The following GSAP variants were observed in gnomAD, a reference collection of about 807,000 sequenced individuals.
GSAP encodes the protein gamma-secretase-activating protein.
In GSAP, 118 loss-of-function variants were observed where a neutral mutation model predicts 131.7. That is an observed-to-expected ratio of 0.90 (90% confidence interval 0.77 to 1.04). GSAP has a LOEUF of 1.04. Among genes scored for constraint, GSAP ranks in the 50% least tolerant of loss-of-function variants. GSAP has a pLI of 0.00. For synonymous variants in GSAP, 381 were observed against 363.4 expected (o/e 1.05, Z -0.55); for missense variants, 1,019 against 1,013.2 (o/e 1.01, Z -0.08).
chr7:77,403,884 T>C (rs1801805036), intron 3 of GSAP, among the ~76,000 whole-genome samples: 1 of 152,174 alleles, frequency 6.6e-6, no homozygotes, highest in Non-Finnish European at 1.5e-5. Context: ...AGCAAAGAAA[T>C]ATAATTTTTT....
chr7:77,383,951 T>C (rs1798161796), intron 6 of GSAP, among the ~76,000 whole-genome samples: 1 of 152,246 alleles, frequency 6.6e-6, no homozygotes, highest in Non-Finnish European at 1.5e-5. Flanking sequence ...TTGAGTTCCC[T>C]TTTAGAAATG....
At chr7:77,348,357 G>A (rs1444698641) in intron 19 of GSAP, among the ~76,000 whole-genome samples, 2 of 152,072 alleles carry the variant, frequency 1.3e-5, no homozygotes, top group Non-Finnish European at 2.9e-5. Flanking sequence ...GCTTTTGCCT[G>A]GAAACACAGA....
intron 3 of GSAP, among the ~76,000 whole-genome samples, chr7:77,397,905 G>C (rs1411525326): frequency 1.3e-5 from 2 of 152,134 alleles, no homozygotes; most frequent in Non-Finnish European, 2.9e-5. Flanking sequence ...GTAATCATTA[G>C]TTTTCTTAGC....
chr7:77,377,353 A>G lies in GSAP; in HGVS notation c.614T>C (p.Ile205Thr). 7 of 1,567,562 alleles carry G rather than the reference A, an allele frequency of 4.5e-6. No homozygotes were observed. Among genetic ancestry groups the G allele is most frequent in the Non-Finnish European group, 6.0e-6 (7 of 1,160,268 alleles). Reference sequence around the variant, plus strand: ...CTGAGCCCAAACGAAATCCTCAGCTATTCTGTCTCTTGGGAGATGGCCAGA... The same window carrying G: ...CTGAGCCCAAACGAAATCCTCAGCTGTTCTGTCTCTTGGGAGATGGCCAGA... ...KNSGHLPRDR[I>T]AEDFVWAQWD... The change falls in exon 9 of 31, where the codon ATA (isoleucine) becomes ACA (threonine). Residue 205 changes from isoleucine to threonine, a missense_variant. Transcript: ENST00000257626.
chr7:77,364,592 C>T (rs147198536), intron 12 of GSAP, among the ~76,000 whole-genome samples: 315 of 151,820 alleles, frequency 2.1e-3, no homozygotes, highest in Non-Finnish European at 3.4e-3. Flanking sequence ...TTAATGGGTG[C>T]AGCACACCAG....
rs760139682 is a variant in GSAP, at chr7:77,329,315, AC to A, written c.1733+17del. The A allele has an allele frequency of 4.3e-6, 6 of 1,401,310 alleles. No individual in the cohort carries two copies. In the South Asian group the frequency reaches 8.2e-5, roughly 19 times the overall value. The allele number at this position is 1,401,310 out of a possible 1,614,324, so 86.8% of individuals were successfully genotyped here. A position where few individuals can be genotyped will look rare whatever the true frequency, so the allele number is the denominator to read the frequency against. ...TGTCAACCATCTTACAGATATGATA[AC>A]CTCTGCTTTCACTTACTTTACTGCA... On this transcript the variant is annotated intron_variant, in intron 21 of 30. Transcript: ENST00000257626.
intron 12 of GSAP, among the ~76,000 whole-genome samples, chr7:77,364,512 G>A (rs1415231964): frequency 7.6e-6 from 1 of 132,224 alleles, no homozygotes; most frequent in Non-Finnish European, 1.6e-5. Context: ...TCACACTCTG[G>A]GGACTGTAGT....
At position 77,311,309 on chromosome 7, in the gene GSAP, A is replaced by AAT. The variant is rs755100037; in HGVS notation, c.*47_*48dup. On this transcript the variant is annotated 3_prime_UTR_variant, in exon 31 of 31. Coordinates refer to ENST00000257626, the MANE Select transcript of GSAP (RefSeq NM_017439.4). ...AAAGAATTCTCAAAGGAGTAAGGTT[A>AAT]ATGAGCAAGATTAAAATGGCAGCAG... 5.1e-5 allele frequency: 52 copies of AAT among 1,024,560 alleles called. 1 individual carries two copies. In the South Asian group the frequency reaches 6.3e-4, roughly 12 times the overall value. 63.5% of individuals were successfully genotyped at this position (1,024,560 alleles called of 1,614,324 possible).
intron 6 of GSAP, among the ~76,000 whole-genome samples, chr7:77,385,597 TC>T (rs1798449337): frequency 6.6e-6 from 1 of 152,106 alleles, no homozygotes; most frequent in South Asian, 2.1e-4. Context: ...GTCCCCAGCC[TC>T]CCCACATTGA....
In GSAP at chr7:77,383,345, G is replaced by C. The variant is rs1010275571; in HGVS notation, c.457-702C>G. ...ACACACACACACACACACACACACAGAGGTCGATATAGTCGTTGTGCAACT... is the reference window on the plus strand; with the variant it reads ...ACACACACACACACACACACACACACAGGTCGATATAGTCGTTGTGCAACT... On this transcript the variant is annotated intron_variant, in intron 6 of 30. Transcript: ENST00000257626. Among the ~76,000 whole-genome samples the C allele has an allele frequency of 4.2e-4, 63 of 150,574 alleles. No homozygotes were observed. In the Middle Eastern group the frequency reaches 0.01, roughly 25 times the overall value.
chr7:77,394,365 C>A (rs1459056857), intron 5 of GSAP, among the ~76,000 whole-genome samples: 1 of 152,184 alleles, frequency 6.6e-6, no homozygotes, highest in Non-Finnish European at 1.5e-5. Context: ...CCTGTGATGA[C>A]TGTTTGATCT....
At chr7:77,393,753 A>C (rs1799940328) in intron 5 of GSAP, among the ~76,000 whole-genome samples, 1 of 148,514 alleles carries the variant, frequency 6.7e-6, no homozygotes. Context: ...TGCTCACGGC[A>C]ACCTTTATTT....
At chr7:77,400,283 G>A (rs781218512) in intron 3 of GSAP, among the ~76,000 whole-genome samples, 3 of 151,846 alleles carry the variant, frequency 2.0e-5, no homozygotes, top group Non-Finnish European at 2.9e-5. Context: ...CGTGGATCCT[G>A]GACTCCCACC....
chr7:77,353,268 A>AC (rs1367616575), intron 17 of GSAP, among the ~76,000 whole-genome samples: 1 of 152,104 alleles, frequency 6.6e-6, no homozygotes, highest in Admixed American at 6.6e-5. Flanking sequence ...TTCATACGAA[A>AC]CCAGCCAACA....
chr7:77,399,706 G>T (rs1052041534), intron 3 of GSAP, among the ~76,000 whole-genome samples: 1 of 150,596 alleles, frequency 6.6e-6, no homozygotes, highest in African/African-American at 2.4e-5. Context: ...CTTGAGGTGG[G>T]GGGGGGCGGG....
chr7:77,317,265 A>G (rs185202890), intron 26 of GSAP, among the ~76,000 whole-genome samples: 1 of 152,066 alleles, frequency 6.6e-6, no homozygotes, highest in East Asian at 1.9e-4. Flanking sequence ...TCAGCAAACT[A>G]TCCCAAGGAC....
At chr7:77,369,184 T>G (rs887847508) in intron 12 of GSAP, among the ~76,000 whole-genome samples, 1 of 152,196 alleles carries the variant, frequency 6.6e-6, no homozygotes, top group East Asian at 1.9e-4. Flanking sequence ...CAGTAGGTGG[T>G]GCACAAGAAA....
At chr7:77,360,071 T>A (rs1037476285) in intron 14 of GSAP, among the ~76,000 whole-genome samples, 1 of 152,118 alleles carries the variant, frequency 6.6e-6, no homozygotes, top group Non-Finnish European at 1.5e-5. Flanking sequence ...CACATTGCAC[T>A]CTCTCAAACA....
At position 77,414,223 on chromosome 7, in the gene GSAP, T is replaced by C. The variant is rs144902589; in HGVS notation, c.109+1990A>G. Reference sequence around the variant, plus strand: ...AAAGCAAGTATGCATAGAGGAGGCATTACAATGGTATAGTAATTCATAATT... The same window carrying C: ...AAAGCAAGTATGCATAGAGGAGGCACTACAATGGTATAGTAATTCATAATT... On this transcript the variant is annotated intron_variant, in intron 1 of 30. Transcript: ENST00000257626. 4.1e-3 allele frequency among the ~76,000 whole-genome samples: 630 copies of C among 152,386 alleles called. 3 individuals carry two copies. The highest frequency in any genetic ancestry group is 7.2e-3 in the Non-Finnish European group (490 of 68,040).
Sources: gnomAD v4.1 joint callset for allele counts (sites outside exome capture counted in the v4.1 genomes callset) on GRCh38, gnomAD v4.1.1 for gene constraint, MANE v1.5 for transcripts, NCBI Gene and HGNC (gene_info 2026-07-23, HGNC 2026-07-21) for gene names.